Variants in TTBK1 observed in about 807,000 individuals in gnomAD.
TTBK1 encodes tau tubulin kinase 1.
TTBK1 carries 34 observed loss-of-function variants against 108.5 expected under a neutral mutation model. The ratio of observed to expected loss-of-function variants is 0.31; its 90% CI spans 0.24 to 0.42. The LOEUF (loss-of-function observed/expected upper bound fraction) is 0.42, where lower values mean the gene tolerates loss of function less well. TTBK1 is among the 10% of genes least tolerant of loss of function. The pLI, the probability that TTBK1 is intolerant of heterozygous loss-of-function variation, is 1.00. For synonymous variants in TTBK1, 809 were observed against 795.1 expected, an observed-to-expected ratio of 1.02 and a Z score of -0.29; for missense variants, 1,539 against 1,826.0, an observed-to-expected ratio of 0.84 and a Z score of 2.86.
In TTBK1 at chr6:43,244,339, T is replaced by C. The variant is rs551523833; in HGVS notation, c.-55+631T>C. Among the ~76,000 whole-genome samples the C allele has an allele frequency of 7.2e-5, 11 of 152,272 alleles. No homozygotes were observed. The South Asian group carries it at 8.3e-4, about 11-fold the overall frequency. The stretch of plus-strand genomic sequence containing the variant: ...CACACCTGCTGACACCTTGCAGAGT[T>C]ACACATCAACACTTGTATTCACAGG... On this transcript the variant is annotated intron_variant, in intron 1 of 14. Coordinates refer to ENST00000259750, the MANE Select transcript of TTBK1 (RefSeq NM_032538.3).
rs930991886 is a variant in TTBK1 at position 43,283,647 on chromosome 6, C to T, written c.2907C>T (p.Gly969=). The T allele has an allele frequency of 1.9e-6, 3 of 1,613,974 alleles. No homozygotes were observed. The highest frequency in any genetic ancestry group is 2.5e-6 in the Non-Finnish European group (3 of 1,179,970). ...GTCTGGAGCTGGCCTCTGATGGGGG[C>T]GCTGTGGAGGAGGGGGCCCGAGCGC... The part of the protein sequence containing the change: ...ELGLELASDG[G]AVEEGARAPL... Residue 969 remains glycine (G), a synonymous_variant, in exon 14 of 15, where the codon GGC becomes GGT. Transcript: ENST00000259750. The surrounding 1 kb of genome is among the most constrained non-coding windows in gnomAD (Gnocchi z 8.1).
chr6:43,276,274 T>TCACACG lies in TTBK1; in HGVS notation c.1987-6447_1987-6442dup, dbSNP rs1180423145. ...GAAAAACTCAAAACCACACACACGC[T>TCACACG]CACACGCACACACACGCACACGAAG... On this transcript the variant is annotated intron_variant, in intron 13 of 14. Coordinates refer to ENST00000259750, the MANE Select transcript of TTBK1 (RefSeq NM_032538.3). This position sits in a 1 kb window ranked among gnomAD's most constrained non-coding sequence, Gnocchi z 5.4. Among the ~76,000 whole-genome samples, 1 of 152,012 alleles carries TCACACG rather than the reference T, an allele frequency of 6.6e-6. No individual in the cohort carries two copies. The highest frequency in any genetic ancestry group is 1.5e-5 in the Non-Finnish European group (1 of 67,990).
chr6:43,285,191 TC>T lies in TTBK1; in HGVS notation c.3786del (p.Ser1263ArgfsTer120), dbSNP rs1182167583. On this transcript the variant is annotated frameshift_variant, in exon 15 of 15. Transcript: ENST00000259750. LOFTEE classifies it high-confidence loss of function. The surrounding 1 kb of genome is among the most constrained non-coding windows in gnomAD (Gnocchi z 4.7). ...SQSLSRRESP[S>X]PSHQARPGVP... is the part of the protein sequence containing the mutation. The stretch of plus-strand genomic sequence containing the variant: ...GTCCCTGTCCCGCAGAGAGAGCCCC[TC>T]CCCCTCGCACCAGGCCCGGCCCGGG... 3 of 1,357,214 alleles carry T rather than the reference TC, an allele frequency of 2.2e-6. No homozygotes were observed. Among genetic ancestry groups the T allele is most frequent in the South Asian group, 3.7e-5 (2 of 54,274 alleles). 84.1% of individuals were successfully genotyped at this position (1,357,214 alleles called of 1,614,324 possible). A position where few individuals can be genotyped will look rare whatever the true frequency, so the allele number is the denominator to read the frequency against.
chr6:43,284,605 C>T (rs1476820619), intron 14 of TTBK1, among the ~76,000 whole-genome samples: 1 of 152,188 alleles, frequency 6.6e-6, no homozygotes, highest in Non-Finnish European at 1.5e-5. Context: ...CTCTGGTATG[C>T]CATGGGGCAT....
intron 13 of TTBK1, chr6:43,270,188 G>A: frequency 2.2e-6 from 3 of 1,342,460 alleles, no homozygotes; most frequent in Non-Finnish European, 2.8e-6. Flanking sequence ...AATGGTGCAG[G>A]GAGGGGTGGG....
chr6:43,269,398 G>C lies in TTBK1; in HGVS notation c.1986+6048G>C, dbSNP rs1189213684. ...GGTGAGTGACCATGGTCTCCTTGCA[G>C]AGACCATAGTGTGAGAAGTTCCAGA... On this transcript the variant is annotated intron_variant, in intron 13 of 14. Transcript: ENST00000259750. This position sits in a 1 kb window ranked among gnomAD's most constrained non-coding sequence, Gnocchi z 4.8. Among the ~76,000 whole-genome samples the C allele has an allele frequency of 6.6e-6, 1 of 152,252 alleles. No homozygotes were observed. Among genetic ancestry groups the C allele is most frequent in the Non-Finnish European group, 1.5e-5 (1 of 68,048 alleles).
At chr6:43,271,278 A>G in intron 13 of TTBK1, 2 of 985,508 alleles carry the variant, frequency 2.0e-6, no homozygotes, top group South Asian at 4.7e-5. Flanking sequence ...ACACTTGTGC[A>G]TAAGAGTGTG....
At chr6:43,249,016 G>T (rs1777170490) in intron 2 of TTBK1, among the ~76,000 whole-genome samples, 1 of 152,030 alleles carries the variant, frequency 6.6e-6, no homozygotes, top group Admixed American at 6.5e-5. Flanking sequence ...CCATTTCACA[G>T]GTGTGGAAAC....
chr6:43,249,528 A>C (rs1777183069), intron 2 of TTBK1, among the ~76,000 whole-genome samples: 1 of 151,632 alleles, frequency 6.6e-6, no homozygotes, highest in Admixed American at 6.6e-5. Flanking sequence ...TATATACTAG[A>C]TTGTTCTCTT....
In TTBK1 at chr6:43,269,929, C is replaced by T; in HGVS notation, c.1986+6579C>T. The T allele has an allele frequency of 6.8e-7, 1 of 1,477,498 alleles. No homozygotes were observed. The highest frequency in any genetic ancestry group is 9.0e-7 in the Non-Finnish European group (1 of 1,116,302). 91.5% of individuals were successfully genotyped at this position (1,477,498 alleles called of 1,614,324 possible). ...CGGTCCCAGCTGCAGCAGGTGTGGG[C>T]CCGGTTCACCCACAAGACCTAGGCT... On this transcript the variant is annotated intron_variant, in intron 13 of 14. Coordinates refer to ENST00000259750, the MANE Select transcript of TTBK1 (RefSeq NM_032538.3). The surrounding 1 kb of genome is among the most constrained non-coding windows in gnomAD (Gnocchi z 4.8).
At chr6:43,264,654 A>G (rs1161306021) in intron 13 of TTBK1, among the ~76,000 whole-genome samples, 1 of 152,170 alleles carries the variant, frequency 6.6e-6, no homozygotes, top group Non-Finnish European at 1.5e-5. Context: ...AGGTCGGAGC[A>G]TGGGAGGAGC....
In TTBK1 at chr6:43,282,877, A is replaced by T. The variant is rs771034723; in HGVS notation, c.2137A>T (p.Met713Leu). ...GGTCCGGAGGGTGGGCTTCTCGCAC[A>T]TGCTGCTCACCACCCCCCAGGTCCC... ...NRVRRVGFSH[M>L]LLTTPQVPLA... Residue 713 changes from methionine to leucine, a missense_variant, in exon 14 of 15, where the codon ATG becomes TTG. Physicochemically the swap from Met to Leu is conservative, Grantham distance 15 (BLOSUM62 2). This residue lies in a region of TTBK1 where 1,055 missense variants were observed against 1,086.5 expected (regional missense o/e 0.97). Transcript: ENST00000259750. The surrounding 1 kb of genome is among the most constrained non-coding windows in gnomAD (Gnocchi z 5.4). 6.8e-6 allele frequency: 11 copies of T among 1,613,884 alleles called. No homozygotes were observed. In the South Asian group the frequency reaches 9.9e-5, roughly 15 times the overall value.
chr6:43,277,547 T>A (rs1208642780), intron 13 of TTBK1, among the ~76,000 whole-genome samples: 1 of 152,204 alleles, frequency 6.6e-6, no homozygotes, highest in Non-Finnish European at 1.5e-5. Flanking sequence ...CTCCTCGCCC[T>A]GGGGCAGGCA....
At chr6:43,258,853 G>A (rs1378606601) in intron 10 of TTBK1, among the ~76,000 whole-genome samples, 185 bp from the exon 11 acceptor site, 8 of 152,114 alleles carry the variant, frequency 5.3e-5, no homozygotes, top group East Asian at 1.9e-4. Flanking sequence ...CTTGAGGGTC[G>A]TCTGGTCTCA....
In TTBK1 at chr6:43,259,545, G is replaced by A. The variant is rs1257006845; in HGVS notation, c.1263G>A (p.Glu421=). Residue 421 remains glutamate (E), a synonymous_variant, in exon 12 of 15, where the codon GAG becomes GAA. Coordinates refer to ENST00000259750, the MANE Select transcript of TTBK1 (RefSeq NM_032538.3). The surrounding 1 kb of genome is among the most constrained non-coding windows in gnomAD (Gnocchi z 6.7). ...CTCTCCTGCAGAGCCCCTGTGTGGA[G>A]GAGGAACAGAGCCGAGGCATGGGGG... The part of the protein sequence containing the change: ...RINIGKSPCV[E]EEQSRGMGVP... 1 of 1,589,670 alleles carries A rather than the reference G, an allele frequency of 6.3e-7. No individual in the cohort carries two copies. The highest frequency in any genetic ancestry group is 1.3e-5 in the African/African-American group (1 of 74,374).
At chr6:43,247,337 T>G (rs1777119410) in intron 2 of TTBK1, among the ~76,000 whole-genome samples, 1 of 152,120 alleles carries the variant, frequency 6.6e-6, no homozygotes, top group African/African-American at 2.4e-5. Flanking sequence ...TTCGGGCTGC[T>G]CGGCCTGCTG....
At chr6:43,264,741 G>A (rs1201126356) in intron 13 of TTBK1, among the ~76,000 whole-genome samples, 1 of 152,162 alleles carries the variant, frequency 6.6e-6, no homozygotes, top group Non-Finnish European at 1.5e-5. Flanking sequence ...TGGTTCCCAT[G>A]ATCAGGGCGG....
intron 9 of TTBK1, among the ~76,000 whole-genome samples, chr6:43,256,216 AC>A (rs2150688688): frequency 6.6e-6 from 1 of 151,038 alleles, no homozygotes; most frequent in African/African-American, 2.4e-5. Flanking sequence ...GTTCACTGCA[AC>A]CTCTGCCTCC....
Position 43,262,095 on chromosome 6 carries a change from TG to T in TTBK1, c.1425-690del, listed in dbSNP as rs1448721714. Among the ~76,000 whole-genome samples the T allele has an allele frequency of 1.2e-3, 186 of 151,812 alleles. 2 individuals are homozygous for T. Among genetic ancestry groups the T allele is most frequent in the Non-Finnish European group, 5.3e-4 (36 of 67,936 alleles). The stretch of plus-strand genomic sequence containing the variant: ...AGGCTGTGTGTGGGGAGAGGTCCTG[TG>T]GGGAGAGGCTACATTGGGGGTGGGC... On this transcript the variant is annotated intron_variant, in intron 12 of 14. Transcript: ENST00000259750.
Sources: allele counts gnomAD v4.1 joint callset (sites outside exome capture counted in the v4.1 genomes callset), GRCh38; gene constraint gnomAD v4.1.1; regional missense constraint gnomAD v4.1.1; non-coding constraint Gnocchi (gnomAD v3.1); transcripts MANE v1.5; gene names NCBI Gene and HGNC (gene_info 2026-07-23, HGNC 2026-07-21).